Variants in GALNT13 observed in about 807,000 individuals in gnomAD.
GALNT13 encodes the protein UDP-GalNAc:polypeptide N-acetylgalactosaminyltransferase 13.
GALNT13 carries 28 observed loss-of-function variants against 64.2 expected under a neutral mutation model. The observed-to-expected ratio is 0.44, with a 90% CI of 0.32 to 0.60. GALNT13 has a LOEUF of 0.60. GALNT13 is among the 20% of genes least tolerant of loss of function. The pLI is 0.05. For missense variants in GALNT13, 577 were observed against 669.8 expected, an observed-to-expected ratio of 0.86 and a Z score of 1.53; for synonymous variants, 214 against 224.6, an observed-to-expected ratio of 0.95 and a Z score of 0.42.
chr2:153,797,402 C>CT, the GALNT13 span, among the ~76,000 whole-genome samples: 1 of 152,242 alleles, frequency 6.6e-6, no homozygotes, highest in South Asian at 2.1e-4. Context: ...AGCAAAGGCC[C>CT]TTTTTGAACT....
At chr2:153,627,733 C>A in the GALNT13 span, among the ~76,000 whole-genome samples, 2 of 152,148 alleles carry the variant, frequency 1.3e-5, no homozygotes, top group African/African-American at 2.4e-5. Flanking sequence ...CAACTGTAAA[C>A]ATGCCTTAAA....
intron 2 of GALNT13, among the ~76,000 whole-genome samples, chr2:153,937,437 CA>C (rs1286927653): frequency 6.6e-6 from 1 of 152,118 alleles, no homozygotes; most frequent in Non-Finnish European, 1.5e-5. Context: ...TAGGAAAATT[CA>C]TAGCCAATAA....
the GALNT13 span, among the ~76,000 whole-genome samples, chr2:153,650,271 A>G: frequency 6.6e-6 from 1 of 152,084 alleles, no homozygotes; most frequent in African/African-American, 2.4e-5. Context: ...GTTTTATCAG[A>G]GACTAGGATT....
the GALNT13 span, among the ~76,000 whole-genome samples, chr2:153,483,035 T>G: frequency 6.6e-6 from 1 of 152,182 alleles, no homozygotes; most frequent in African/African-American, 2.4e-5. Context: ...GTGAAACATT[T>G]TAGAAAGATT....
chr2:153,417,404 A>G, the GALNT13 span, among the ~76,000 whole-genome samples: 1 of 152,174 alleles, frequency 6.6e-6, no homozygotes, highest in East Asian at 1.9e-4. Flanking sequence ...GCTTTCACTT[A>G]GATTGATAGG....
Position 153,932,506 on chromosome 2 carries a change from C to T in GALNT13, c.-104-11888C>T, listed in dbSNP as rs2218449. 4.7e-3 allele frequency among the ~76,000 whole-genome samples: 715 copies of T among 151,476 alleles called. 5 individuals carry two copies. Among genetic ancestry groups the T allele is most frequent in the African/African-American group, 0.016 (650 of 41,310 alleles). On this transcript the variant is annotated intron_variant, in intron 2 of 12. Transcript: ENST00000392825. ...TGTTTTTCTTAGTTTCAAAGAATTTCTTGATTTCTACCTTAATTTCATTGT... is the reference window on the plus strand; with the variant it reads ...TGTTTTTCTTAGTTTCAAAGAATTTTTTGATTTCTACCTTAATTTCATTGT...
chr2:153,507,266 C>T, the GALNT13 span, among the ~76,000 whole-genome samples: 4 of 149,980 alleles, frequency 2.7e-5, no homozygotes, highest in Non-Finnish European at 5.9e-5. Flanking sequence ...ATGTGTTTTC[C>T]TTCTTTCTTT....
intron 3 of GALNT13, among the ~76,000 whole-genome samples, chr2:154,061,330 G>A (rs1257371811): frequency 1.3e-5 from 2 of 152,116 alleles, no homozygotes; most frequent in Non-Finnish European, 2.9e-5. Context: ...GTGTGGGGAT[G>A]GTAGCTTTCC....
the GALNT13 span, among the ~76,000 whole-genome samples, chr2:153,813,270 G>T: frequency 6.6e-6 from 1 of 152,148 alleles, no homozygotes; most frequent in East Asian, 1.9e-4. Context: ...TCTTGTTTAG[G>T]ATTCCCTGGG....
At chr2:153,373,452 C>T in the GALNT13 span, among the ~76,000 whole-genome samples, 3 of 152,012 alleles carry the variant, frequency 2.0e-5, no homozygotes, top group African/African-American at 7.2e-5. Flanking sequence ...CGCCATCTAC[C>T]CAACCTGGCC....
chr2:153,405,607 A>G, the GALNT13 span, among the ~76,000 whole-genome samples: 3 of 152,148 alleles, frequency 2.0e-5, no homozygotes, highest in Non-Finnish European at 2.9e-5. Flanking sequence ...TACTCTATCA[A>G]TGAGTACTAA....
intron 3 of GALNT13, among the ~76,000 whole-genome samples, chr2:154,122,353 G>A (rs1415401256): frequency 1.3e-5 from 2 of 151,808 alleles, no homozygotes; most frequent in Non-Finnish European, 2.9e-5. Flanking sequence ...AAGGATTTCT[G>A]TGTCTATCTT....
At chr2:153,078,904 G>T in the GALNT13 span, among the ~76,000 whole-genome samples, 1 of 151,960 alleles carries the variant, frequency 6.6e-6, no homozygotes. Context: ...GGGAATCTTA[G>T]AATAAACTTA....
At chr2:153,294,400 T>C in the GALNT13 span, among the ~76,000 whole-genome samples, 1 of 152,226 alleles carries the variant, frequency 6.6e-6, no homozygotes, top group Admixed American at 6.5e-5. Flanking sequence ...AATGTGCATT[T>C]GTGTGCATCT....
At chr2:153,773,157 T>G in the GALNT13 span, among the ~76,000 whole-genome samples, 1 of 152,234 alleles carries the variant, frequency 6.6e-6, no homozygotes, top group Non-Finnish European at 1.5e-5. Context: ...CTATTTGATA[T>G]TTGTAATTGG....
At chr2:153,356,005 A>C in the GALNT13 span, among the ~76,000 whole-genome samples, 1 of 152,192 alleles carries the variant, frequency 6.6e-6, no homozygotes, top group African/African-American at 2.4e-5. Context: ...AGCAGCCGGA[A>C]GGGGTCTTAG....
the GALNT13 span, among the ~76,000 whole-genome samples, chr2:153,383,297 C>T: frequency 3.9e-4 from 59 of 152,012 alleles, no homozygotes; most frequent in Non-Finnish European, 6.5e-4. Context: ...ACCAGTTTCT[C>T]GGCATCCACA....
At chr2:153,635,382 A>G in the GALNT13 span, among the ~76,000 whole-genome samples, 1 of 146,716 alleles carries the variant, frequency 6.8e-6, no homozygotes, top group Non-Finnish European at 1.5e-5. Context: ...CTCTCTACTC[A>G]TAGTACAGTA....
chr2:153,233,633 G>A, the GALNT13 span, among the ~76,000 whole-genome samples: 1 of 152,014 alleles, frequency 6.6e-6, no homozygotes, highest in African/African-American at 2.4e-5. Flanking sequence ...TTTTATGTAT[G>A]AGCCAATGTA....
Sources: allele counts gnomAD v4.1 joint callset (sites outside exome capture counted in the v4.1 genomes callset), GRCh38; gene constraint gnomAD v4.1.1; transcripts MANE v1.5; gene names NCBI Gene and HGNC (gene_info 2026-07-23, HGNC 2026-07-21).